Variants in ANKRD30B observed in about 807,000 individuals in gnomAD.
The protein encoded by ANKRD30B is ankyrin repeat domain-containing protein 30B.
In ANKRD30B, 144 loss-of-function variants were observed where a neutral mutation model predicts 202.2. The ratio of observed to expected loss-of-function variants is 0.71; its 90% CI spans 0.62 to 0.82. The LOEUF (loss-of-function observed/expected upper bound fraction) is 0.82, where lower values mean the gene tolerates loss of function less well. Among genes scored for constraint, ANKRD30B ranks in the 40% least tolerant of loss-of-function variants. The pLI is 0.00. For synonymous variants in ANKRD30B, 508 were observed against 561.3 expected (o/e 0.91, Z 1.34); for missense variants, 1,487 against 1,669.1 (o/e 0.89, Z 1.90).
At chr18:14,882,321 G>T in the ANKRD30B span, among the ~76,000 whole-genome samples, 10 of 152,168 alleles carry the variant, frequency 6.6e-5, no homozygotes, top group African/African-American at 2.2e-4. Context: ...CATCCAGTTC[G>T]AAGAAATTTT....
rs577901495 is a variant in ANKRD30B, at chr18:14,792,264, G to A, written c.1825+773G>A. On this transcript the variant is annotated intron_variant, in intron 16 of 43. Coordinates refer to ENST00000690538, the MANE Select transcript of ANKRD30B (RefSeq NM_001367607.2). ...CTGAGTAGCAAGATGAGAGACCTTT[G>A]TGGGAAAAATGTGGAAGAAGGGCCA... Among the ~76,000 whole-genome samples, 17 of 152,248 alleles carry A rather than the reference G, an allele frequency of 1.1e-4. No individual in the cohort carries two copies. In the South Asian group the frequency reaches 3.5e-3, roughly 32 times the overall value.
At position 14,844,886 on chromosome 18, in the gene ANKRD30B, T is replaced by C. The variant is rs1344119591; in HGVS notation, c.3181+1790T>C. ...CTGTTGGCTGCATAAATGTCTTCTT[T>C]TCAGAAGTGTCTGTTCATATCCTTC... On this transcript the variant is annotated intron_variant, in intron 39 of 43. Transcript: ENST00000690538. 2.0e-5 allele frequency among the ~76,000 whole-genome samples: 3 copies of C among 152,046 alleles called. 1 individual carries two copies. The highest frequency in any genetic ancestry group is 4.4e-5 in the Non-Finnish European group (3 of 67,966).
chr18:14,858,825 C>T (rs1325542184), downstream of ANKRD30B, among the ~76,000 whole-genome samples: 44 of 119,302 alleles, frequency 3.7e-4, no homozygotes, highest in African/African-American at 1.4e-3. Context: ...AGGTGCTCCT[C>T]ATTTCCCAGA....
the ANKRD30B span, among the ~76,000 whole-genome samples, chr18:14,917,896 G>T: frequency 6.6e-6 from 1 of 152,212 alleles, no homozygotes; most frequent in Non-Finnish European, 1.5e-5. Context: ...TTCTCCCCCA[G>T]GGCGATGAGC....
the ANKRD30B span, among the ~76,000 whole-genome samples, chr18:14,936,138 C>A: frequency 5.9e-5 from 9 of 152,186 alleles, no homozygotes; most frequent in African/African-American, 2.2e-4. Context: ...ACCACTGAAC[C>A]TTTCCCTTTC....
At chr18:14,864,203 T>C in the ANKRD30B span, among the ~76,000 whole-genome samples, 2 of 151,558 alleles carry the variant, frequency 1.3e-5, no homozygotes, top group Non-Finnish European at 1.5e-5. Flanking sequence ...GGCGTCGTGG[T>C]GCATGCCTGT....
At chr18:14,796,481 GC>G (rs1711949477) in intron 18 of ANKRD30B, 66 bp downstream of exon 18, 1 of 1,459,102 alleles carries the variant, frequency 6.9e-7, no homozygotes, top group Admixed American at 2.5e-5. Context: ...ATGCCGAGAG[GC>G]TTTTATTCCC....
chr18:14,786,964 T>C (rs1968120822), intron 14 of ANKRD30B, 75 bp from the exon 15 acceptor site: 27 of 1,425,142 alleles, frequency 1.9e-5, no homozygotes, highest in Non-Finnish European at 2.6e-5. Flanking sequence ...TGAATGAAAG[T>C]AGACTTGTGT....
rs45545342 is a variant in ANKRD30B, at chr18:14,791,756, A to C, written c.1825+265A>C. On this transcript the variant is annotated intron_variant, in intron 16 of 43. Coordinates refer to ENST00000690538, the MANE Select transcript of ANKRD30B (RefSeq NM_001367607.2). ...ATGAGAAAATAAGAAAGGAGAAAGT[A>C]GTAAAAGAGGAAATGAAGATCGAGA... is the stretch of plus-strand genomic sequence containing the variant. Among the ~76,000 whole-genome samples, 97 of 152,272 alleles carry C rather than the reference A, an allele frequency of 6.4e-4. 1 individual carries two copies. Among genetic ancestry groups the C allele is most frequent in the African/African-American group, 2.1e-3 (88 of 41,548 alleles).
the ANKRD30B span, among the ~76,000 whole-genome samples, chr18:14,910,727 A>G: frequency 2.0e-5 from 3 of 152,240 alleles, no homozygotes; most frequent in South Asian, 6.2e-4. Context: ...AAGTTGTACT[A>G]ATTTACATTC....
intron 9 of ANKRD30B, among the ~76,000 whole-genome samples, chr18:14,773,566 A>G (rs1190517440): frequency 6.6e-6 from 1 of 152,174 alleles, no homozygotes. Context: ...AGACAATCAG[A>G]GATATGTAGT....
chr18:14,910,644 A>G, the ANKRD30B span, among the ~76,000 whole-genome samples: 15 of 152,122 alleles, frequency 9.9e-5, no homozygotes, highest in African/African-American at 3.6e-4. Flanking sequence ...TGTATTCCCA[A>G]TAGTGGGATT....
the ANKRD30B span, among the ~76,000 whole-genome samples, chr18:14,919,915 C>G: frequency 6.5e-4 from 99 of 152,332 alleles, no homozygotes; most frequent in African/African-American, 2.3e-3. Context: ...AGGTCAAAGT[C>G]CAGGCTTCTG....
the ANKRD30B span, among the ~76,000 whole-genome samples, chr18:14,915,886 A>G: frequency 6.6e-6 from 1 of 152,342 alleles, no homozygotes; most frequent in African/African-American, 2.4e-5. Flanking sequence ...TATTCGAATA[A>G]AAAACATGGT....
the ANKRD30B span, among the ~76,000 whole-genome samples, chr18:14,931,519 C>G: frequency 6.6e-6 from 1 of 152,186 alleles, no homozygotes; most frequent in Non-Finnish European, 1.5e-5. Flanking sequence ...AGCAGGCATC[C>G]CCCTGTGCTG....
intron 30 of ANKRD30B, among the ~76,000 whole-genome samples, chr18:14,818,075 G>A (rs1970210506): frequency 6.6e-6 from 1 of 152,128 alleles, no homozygotes; most frequent in Non-Finnish European, 1.5e-5. Context: ...AGAGAAAAAT[G>A]AGAGATTAAG....
intron 16 of ANKRD30B, among the ~76,000 whole-genome samples, chr18:14,795,315 G>A (rs1331014091): frequency 5.3e-5 from 8 of 152,266 alleles, no homozygotes; most frequent in South Asian, 2.1e-4. Context: ...TCACAGCTCC[G>A]GCTCCCAAGT....
intron 15 of ANKRD30B, 133 bp downstream of exon 15, chr18:14,787,233 C>A (rs1003970245): frequency 1.4e-6 from 1 of 733,234 alleles, no homozygotes; most frequent in East Asian, 3.2e-5. Context: ...TTTCAGAATA[C>A]GCTTAATAGA....
the ANKRD30B span, among the ~76,000 whole-genome samples, chr18:14,929,439 G>C: frequency 2.6e-5 from 4 of 152,144 alleles, no homozygotes; most frequent in Non-Finnish European, 5.9e-5. Context: ...AGACTTCAAA[G>C]CTTCAGTGAT....
Sources: allele counts gnomAD v4.1 joint callset (sites outside exome capture counted in the v4.1 genomes callset), GRCh38; gene constraint gnomAD v4.1.1; transcripts MANE v1.5; gene names NCBI Gene and HGNC (gene_info 2026-07-23, HGNC 2026-07-21).